Variants in STK3 observed in about 807,000 individuals in gnomAD.
The protein encoded by STK3 is serine/threonine kinase 3, also known as serine/threonine-protein kinase 3.
In STK3, 41 loss-of-function variants were observed where a neutral mutation model predicts 58.0. The ratio of observed to expected loss-of-function variants is 0.71; its 90% confidence interval spans 0.55 to 0.92. STK3 has a LOEUF of 0.92. STK3 is among the 40% of genes least tolerant of loss of function. The pLI, the probability that STK3 is intolerant of heterozygous loss-of-function variation, is 0.00. For missense variants in STK3, 479 were observed against 602.7 expected (o/e 0.79, Z 2.15); for synonymous variants, 170 against 191.0 (o/e 0.89, Z 0.91).
upstream of STK3, among the ~76,000 whole-genome samples, chr8:98,828,437 C>CAAAAAA (rs367737626): frequency 4.2e-3 from 202 of 48,578 alleles, 2 homozygotes; most frequent in African/African-American, 5.3e-3. Context: ...CCCATCTCTA[C>CAAAAAA]AAAAAAAAAA....
At chr8:98,714,604 T>C (rs1826839177) in intron 4 of STK3, among the ~76,000 whole-genome samples, 2 of 152,144 alleles carry the variant, frequency 1.3e-5, no homozygotes, top group South Asian at 4.1e-4. Context: ...TAAGGAGAAC[T>C]ATAAACCACT....
chr8:98,787,952 A>C (rs1415890766), intron 1 of STK3, among the ~76,000 whole-genome samples: 1 of 152,254 alleles, frequency 6.6e-6, no homozygotes, highest in Non-Finnish European at 1.5e-5. Context: ...CTTGAAACAA[A>C]GCCAGAAAAC....
intron 10 of STK3, among the ~76,000 whole-genome samples, chr8:98,509,897 A>G (rs1369514701): frequency 6.6e-6 from 1 of 152,024 alleles, no homozygotes; most frequent in Non-Finnish European, 1.5e-5. Flanking sequence ...TTAAAGTATA[A>G]TATCTAATGC....
chr8:98,806,789 GAA>G (rs1833907869), intron 1 of STK3, among the ~76,000 whole-genome samples: 1 of 152,016 alleles, frequency 6.6e-6, no homozygotes, highest in Non-Finnish European at 1.5e-5. Flanking sequence ...GCAGAGGAAA[GAA>G]TCACACACCA....
At chr8:98,877,309 C>G (rs1837590247) in intron 3 of STK3, among the ~76,000 whole-genome samples, 1 of 152,140 alleles carries the variant, frequency 6.6e-6, no homozygotes, top group South Asian at 2.1e-4. Flanking sequence ...TCCATATTGT[C>G]TCTGTTCTAG....
At chr8:98,547,361 C>T (rs923832213) in intron 9 of STK3, among the ~76,000 whole-genome samples, 1 of 152,148 alleles carries the variant, frequency 6.6e-6, no homozygotes, top group Non-Finnish European at 1.5e-5. Context: ...GAAAGCATTC[C>T]TATTGTCATC....
At chr8:98,791,146 A>T (rs758947512) in intron 1 of STK3, among the ~76,000 whole-genome samples, 1 of 152,218 alleles carries the variant, frequency 6.6e-6, no homozygotes, top group Non-Finnish European at 1.5e-5. Context: ...ATTAATGTAC[A>T]CAATCAGTAT....
chr8:98,796,713 G>A (rs139570500), intron 1 of STK3, among the ~76,000 whole-genome samples: 2 of 152,250 alleles, frequency 1.3e-5, no homozygotes, highest in Non-Finnish European at 2.9e-5. Context: ...CTATGCAGCC[G>A]TCAAAGGTCT....
At chr8:98,523,030 C>A (rs1301588963) in intron 10 of STK3, among the ~76,000 whole-genome samples, 1 of 152,052 alleles carries the variant, frequency 6.6e-6, no homozygotes, top group African/African-American at 2.4e-5. Context: ...TCTTTGAGAC[C>A]CTGCTTTCAC....
intron 6 of STK3, among the ~76,000 whole-genome samples, chr8:98,613,410 T>G (rs940866170): frequency 2.6e-5 from 4 of 151,880 alleles, no homozygotes; most frequent in African/African-American, 9.7e-5. Context: ...GTCAGAAGTA[T>G]CTGACAAATA....
intron 3 of STK3, among the ~76,000 whole-genome samples, chr8:98,426,179 A>C (rs1586556373): frequency 1.3e-5 from 2 of 152,058 alleles, no homozygotes; most frequent in African/African-American, 4.8e-5. Context: ...AACATATTCC[A>C]CACACATGAG....
downstream of STK3, among the ~76,000 whole-genome samples, chr8:98,398,667 C>T (rs1424667965): frequency 6.6e-6 from 1 of 152,158 alleles, no homozygotes; most frequent in East Asian, 1.9e-4. Flanking sequence ...TGCATGCTCC[C>T]ATCTCCCCCG....
At chr8:98,690,349 G>C (rs1824306247) in intron 6 of STK3, among the ~76,000 whole-genome samples, 1 of 149,676 alleles carries the variant, frequency 6.7e-6, no homozygotes, top group Non-Finnish European at 1.5e-5. Flanking sequence ...AAAGTCTCAG[G>C]ATATAAAGTC....
chr8:98,622,699 G>A (rs777629076), intron 6 of STK3, among the ~76,000 whole-genome samples: 2 of 152,058 alleles, frequency 1.3e-5, no homozygotes, highest in African/African-American at 2.4e-5. Context: ...AGAAGAAGAC[G>A]GAAATTATGT....
At chr8:98,802,031 G>C (rs1833588664) in intron 1 of STK3, among the ~76,000 whole-genome samples, 1 of 152,128 alleles carries the variant, frequency 6.6e-6, no homozygotes, top group Non-Finnish European at 1.5e-5. Flanking sequence ...AATTAGCCAG[G>C]CATAGTAATG....
intron 4 of STK3, among the ~76,000 whole-genome samples, chr8:98,742,610 C>G (rs1277180175): frequency 3.7e-5 from 5 of 136,900 alleles, no homozygotes; most frequent in African/African-American, 1.4e-4. Context: ...CTATGACAAA[C>G]CCACAGCCAA....
At chr8:98,622,682 A>G (rs937763031) in intron 6 of STK3, among the ~76,000 whole-genome samples, 6 of 152,206 alleles carry the variant, frequency 3.9e-5, no homozygotes, top group Non-Finnish European at 7.3e-5. Context: ...ACACATTTCT[A>G]TATCTCAGAA....
chr8:98,778,090 G>A (rs1831826300), intron 1 of STK3, among the ~76,000 whole-genome samples: 1 of 152,028 alleles, frequency 6.6e-6, no homozygotes, highest in Non-Finnish European at 1.5e-5. Context: ...GAGTGAACAG[G>A]CAACCTACAG....
chr8:98,580,065 C>G (rs970358500), intron 7 of STK3, among the ~76,000 whole-genome samples: 6 of 151,532 alleles, frequency 4.0e-5, no homozygotes, highest in Admixed American at 3.9e-4. Flanking sequence ...ATCTAATTGT[C>G]CAAAGGAAGT....
Sources: allele counts gnomAD v4.1 joint callset (sites outside exome capture counted in the v4.1 genomes callset), GRCh38; gene constraint gnomAD v4.1.1; transcripts MANE v1.5; gene names NCBI Gene and HGNC (gene_info 2026-07-23, HGNC 2026-07-21).